FAM131C: variants seen among roughly 807,000 people sequenced by gnomAD.
The protein encoded by FAM131C is family with sequence similarity 131 member C, also known as protein FAM131C.
FAM131C carries 14 observed loss-of-function variants against 29.8 expected under a neutral mutation model. The observed-to-expected ratio is 0.47, with a 90% CI of 0.31 to 0.73. FAM131C has a LOEUF of 0.73. Among genes scored for constraint, FAM131C ranks in the 30% least tolerant of loss-of-function variants. FAM131C has a pLI of 0.05. For missense variants in FAM131C, 252 were observed against 383.8 expected (o/e 0.66, Z 2.87); for synonymous variants, 86 against 157.8 (o/e 0.54, Z 3.41).
At chr1:16,063,698 T>C (rs2023638363) in intron 1 of FAM131C, 62 bp from the exon 2 acceptor site, 1 of 1,146,738 alleles carries the variant, frequency 8.7e-7, no homozygotes. Flanking sequence ...TTACAAAGCA[T>C]GTTCAAGGCC....
At chr1:16,058,769 G>T (rs115812628) in intron 6 of FAM131C, 52 bp from the exon 7 acceptor site, 24,587 of 1,364,034 alleles carry the variant, frequency 0.018, 3,330 homozygotes, top group Non-Finnish European at 0.018. Context: ...CCAGCTCCTC[G>T]CCCTCTCTGG....
At chr1:16,063,706 GC>G (rs550521905) in intron 1 of FAM131C, 70 bp from the exon 2 acceptor site, 22 of 1,069,920 alleles carry the variant, frequency 2.1e-5, no homozygotes, top group South Asian at 7.7e-5. Context: ...CATGTTCAAG[GC>G]CCCCCCGTAA....
intron 1 of FAM131C, among the ~76,000 whole-genome samples, chr1:16,067,165 G>T (rs764064616): frequency 3.9e-5 from 6 of 152,160 alleles, no homozygotes; most frequent in Admixed American, 6.5e-5. Context: ...CCCCACCTCA[G>T]TTGGGGTTCA....
At position 16,059,994 on chromosome 1, in the gene FAM131C, C is replaced by T. The variant is rs552689113; in HGVS notation, c.326G>A (p.Arg109His). ...ITKPTAMARGRVAHLIEWKGW... is the reference protein window; with the variant it reads ...ITKPTAMARGHVAHLIEWKGW... ...CTTCCACTCGATGAGGTGGGCCACG[C>T]GGCCTCGGGCCATGGCCGTGGGCTT... The change falls in exon 5 of 7, where the codon CGC (arginine) becomes CAC (histidine). Residue 109 changes from arginine to histidine, a missense_variant. Around this residue, in one of 6 missense-constraint regions of FAM131C, gnomAD observed 52 missense variants for 105.9 expected, o/e 0.49. Transcript: ENST00000375662. The T allele has an allele frequency of 6.2e-5, 97 of 1,559,260 alleles. No homozygotes were observed. In the South Asian group the frequency reaches 8.6e-4, roughly 14 times the overall value.
chr1:16,059,350 C>G, intron 6 of FAM131C, 144 bp downstream of exon 6: 1 of 1,254,938 alleles, frequency 8.0e-7, no homozygotes, highest in Non-Finnish European at 1.1e-6. Flanking sequence ...AGGCAAGGAT[C>G]ACTGCCCCAT....
intron 1 of FAM131C, among the ~76,000 whole-genome samples, chr1:16,072,039 C>T (rs1007210198): frequency 1.3e-5 from 2 of 152,192 alleles, no homozygotes; most frequent in Admixed American, 1.3e-4. Context: ...AAAGAACCCT[C>T]AGCACTCCTC....
intron 1 of FAM131C, among the ~76,000 whole-genome samples, chr1:16,068,355 G>C (rs780339108): frequency 1.1e-4 from 16 of 152,220 alleles, no homozygotes; most frequent in Non-Finnish European, 1.6e-4. Context: ...CAGCAAGGAG[G>C]AAGCACCTGC....
intron 1 of FAM131C, among the ~76,000 whole-genome samples, chr1:16,070,749 G>A (rs992072099): frequency 1.3e-5 from 2 of 152,170 alleles, no homozygotes; most frequent in Admixed American, 1.3e-4. Context: ...CATTTAGTCC[G>A]CCCAGCAACC....
chr1:16,068,227 C>G (rs1209512829), intron 1 of FAM131C, among the ~76,000 whole-genome samples: 2 of 152,216 alleles, frequency 1.3e-5, no homozygotes, highest in African/African-American at 4.8e-5. Context: ...TCTTACGGTC[C>G]CTGAGCTGGG....
At chr1:16,070,962 C>T (rs1240854090) in intron 1 of FAM131C, among the ~76,000 whole-genome samples, 1 of 152,214 alleles carries the variant, frequency 6.6e-6, no homozygotes, top group East Asian at 1.9e-4. Context: ...CAGGTGTGGC[C>T]TGACCTAGGT....
intron 1 of FAM131C, among the ~76,000 whole-genome samples, chr1:16,065,490 G>T (rs1202079430): frequency 6.6e-6 from 1 of 152,188 alleles, no homozygotes; most frequent in Non-Finnish European, 1.5e-5. Flanking sequence ...TGTGGGTGCT[G>T]CCCCCAATTC....
At chr1:16,065,774 T>TA (rs1443653850) in intron 1 of FAM131C, among the ~76,000 whole-genome samples, 3 of 152,292 alleles carry the variant, frequency 2.0e-5, no homozygotes, top group African/African-American at 7.2e-5. Context: ...TCCATCCTCC[T>TA]CTCGCTCCAT....
intron 4 of FAM131C, among the ~76,000 whole-genome samples, chr1:16,061,621 A>G (rs1211463868): frequency 6.6e-6 from 1 of 152,096 alleles, no homozygotes; most frequent in Non-Finnish European, 1.5e-5. Context: ...CTGGGGTGCT[A>G]TTTGTGCTCC....
intron 4 of FAM131C, 135 bp downstream of exon 4, chr1:16,061,964 T>C (rs1422716327): frequency 4.8e-6 from 4 of 831,366 alleles, no homozygotes; most frequent in Non-Finnish European, 5.6e-6. Flanking sequence ...GCATGGACTC[T>C]GGCATTTAGA....
Position 16,059,936 on chromosome 1 carries a change from C to G in FAM131C, c.384G>C (p.Leu128=). Residue 128 remains leucine, a synonymous_variant, in exon 5 of 7, where the codon CTG becomes CTC. Transcript: ENST00000375662. The part of the protein sequence containing the change: ...GWSAQPAGWE[L]SPAEDEHYCC... ...AGTAATGCTCGTCCTCAGCTGGGGA[C>G]AGCTCCCAGCCTGCCGGCTGGGCAC... 6.4e-7 allele frequency: 1 copy of G among 1,557,364 alleles called. No homozygotes were observed. The highest frequency in any genetic ancestry group is 8.7e-7 in the Non-Finnish European group (1 of 1,152,592).
At chr1:16,061,496 G>A (rs2023592022) in intron 4 of FAM131C, among the ~76,000 whole-genome samples, 1 of 152,258 alleles carries the variant, frequency 6.6e-6, no homozygotes, top group South Asian at 2.1e-4. Flanking sequence ...ACCGCCCTGA[G>A]CTCCTGGGCA....
chr1:16,064,110 C>T (rs950937219), intron 1 of FAM131C, among the ~76,000 whole-genome samples: 3 of 152,088 alleles, frequency 2.0e-5, no homozygotes, highest in African/African-American at 7.2e-5. Context: ...CCGCTGCATG[C>T]GAGATTGTAG....
At chr1:16,069,922 T>C (rs1014895909) in intron 1 of FAM131C, among the ~76,000 whole-genome samples, 5 of 152,054 alleles carry the variant, frequency 3.3e-5, no homozygotes, top group African/African-American at 1.2e-4. Flanking sequence ...CCACCACAGC[T>C]AGGTAATTTT....
At chr1:16,067,972 T>C (rs2023701800) in intron 1 of FAM131C, among the ~76,000 whole-genome samples, 1 of 152,228 alleles carries the variant, frequency 6.6e-6, no homozygotes, top group Non-Finnish European at 1.5e-5. Flanking sequence ...TGTTTGACTC[T>C]GCAGCAGCCC....
Sources: allele counts gnomAD v4.1 joint callset (sites outside exome capture counted in the v4.1 genomes callset), GRCh38; gene constraint gnomAD v4.1.1; regional missense constraint gnomAD v4.1.1; transcripts MANE v1.5; gene names NCBI Gene and HGNC (gene_info 2026-07-23, HGNC 2026-07-21).